LPIN1: variants seen among roughly 807,000 people sequenced by gnomAD.
LPIN1 encodes lipin 1.
LPIN1 carries 71 observed loss-of-function variants against 107.5 expected under a neutral mutation model. That is an observed-to-expected ratio of 0.66 (90% CI 0.55 to 0.80). LPIN1 has a LOEUF of 0.80. Among genes scored for constraint, LPIN1 ranks in the 30% least tolerant of loss-of-function variants. The pLI is 0.00. For synonymous variants in LPIN1, 445 were observed against 452.6 expected (o/e 0.98, Z 0.21); for missense variants, 1,043 against 1,160.6 (o/e 0.90, Z 1.47).
intron 9 of LPIN1, 141 bp from the exon 10 acceptor site, chr2:11,784,745 T>G (rs1241050765): frequency 1.2e-6 from 1 of 803,154 alleles, no homozygotes; most frequent in East Asian, 2.5e-5. Context: ...CTTGTCGTGG[T>G]GCTTTAATAA....
intron 1 of LPIN1, among the ~76,000 whole-genome samples, chr2:11,684,230 C>A (rs1002725801): frequency 6.6e-6 from 1 of 152,212 alleles, no homozygotes; most frequent in Admixed American, 6.5e-5. Context: ...TCTGCTAGAG[C>A]AAGGGCCAGC....
At chr2:11,766,066 G>A (rs928971233) in intron 2 of LPIN1, among the ~76,000 whole-genome samples, 11 of 152,196 alleles carry the variant, frequency 7.2e-5, no homozygotes, top group South Asian at 2.1e-4. Flanking sequence ...GAACACTCAC[G>A]TTCTTTGTGA....
At chr2:11,779,409 A>C in intron 6 of LPIN1, 110 bp from the exon 7 acceptor site, 2 of 1,181,588 alleles carry the variant, frequency 1.7e-6, no homozygotes, top group East Asian at 2.5e-5. Flanking sequence ...CTCAGAGCGA[A>C]CGACAGCTGG....
intron 3 of LPIN1, among the ~76,000 whole-genome samples, chr2:11,769,440 C>T (rs1671508292): frequency 1.3e-5 from 2 of 152,058 alleles, no homozygotes; most frequent in South Asian, 4.1e-4. Flanking sequence ...TTTTTTACTG[C>T]TGCCTTGTAT....
At chr2:11,735,148 C>G (rs1036297658) in intron 1 of LPIN1, among the ~76,000 whole-genome samples, 1 of 151,982 alleles carries the variant, frequency 6.6e-6, no homozygotes, top group Non-Finnish European at 1.5e-5. Context: ...AAAAATTAGC[C>G]GGGCATGGTG....
At chr2:11,703,091 A>G (rs1181483111) in intron 1 of LPIN1, among the ~76,000 whole-genome samples, 2 of 152,216 alleles carry the variant, frequency 1.3e-5, no homozygotes, top group East Asian at 3.8e-4. Context: ...CAAATGCTTC[A>G]TTCTACATTC....
Position 11,809,111 on chromosome 2 carries a change from G to A in LPIN1, c.2249+3955G>A, listed in dbSNP as rs546853396. 5.9e-5 allele frequency among the ~76,000 whole-genome samples: 9 copies of A among 151,362 alleles called. No homozygotes were observed. The South Asian group carries it at 1.5e-3, about 24-fold the overall frequency. ...GAACAAATGCAAATGGAAGATACAG[G>A]AACCCCTTTCAGATTCAGGTGCATT... On this transcript the variant is annotated intron_variant, in intron 17 of 20. Transcript: ENST00000674199.
At chr2:11,683,117 T>C (rs191178694) in intron 1 of LPIN1, 9 of 152,278 alleles carry the variant, frequency 5.9e-5, no homozygotes, top group African/African-American at 2.2e-4. Context: ...GAGACTCAGT[T>C]TGTGACGCTT....
chr2:11,815,764 A>G (rs1264858216), intron 18 of LPIN1, among the ~76,000 whole-genome samples: 2 of 152,026 alleles, frequency 1.3e-5, no homozygotes, highest in African/African-American at 2.4e-5. Context: ...GATTTCTGGG[A>G]ACACTGTTCA....
rs1299050672 is a variant in LPIN1, at chr2:11,776,095, A to G, written c.732A>G (p.Val244=). Residue 244 remains valine (V), a synonymous_variant, in exon 6 of 21, where the codon GTA becomes GTG. Transcript: ENST00000674199. ...ACGTGGTGGTATCCAGTAGCCTGGT[A>G]GATTGCAAAAGGACTGCCCCTCATC... The part of the protein sequence containing the change: ...REWSPTPSSL[V]DCKRTAPHLA... The G allele has an allele frequency of 2.6e-6, 4 of 1,545,822 alleles. No homozygotes were observed. The highest frequency in any genetic ancestry group is 1.7e-6 in the Non-Finnish European group (2 of 1,143,706).
intron 6 of LPIN1, among the ~76,000 whole-genome samples, chr2:11,778,143 G>T (rs1231121382): frequency 6.6e-6 from 1 of 152,206 alleles, no homozygotes; most frequent in Non-Finnish European, 1.5e-5. Flanking sequence ...GACGTGGGGG[G>T]GCCCACGTGC....
intron 1 of LPIN1, among the ~76,000 whole-genome samples, chr2:11,726,772 C>A (rs777919929): frequency 3.9e-5 from 6 of 152,210 alleles, no homozygotes; most frequent in Non-Finnish European, 8.8e-5. Context: ...GATCTACGAT[C>A]CTCAATGTAG....
At chr2:11,735,087 T>C (rs1405155056) in intron 1 of LPIN1, among the ~76,000 whole-genome samples, 1 of 151,892 alleles carries the variant, frequency 6.6e-6, no homozygotes, top group Non-Finnish European at 1.5e-5. Context: ...AGGTCAGGAG[T>C]TCGAGACCAA....
At chr2:11,727,877 C>T (rs1664814404) in intron 1 of LPIN1, among the ~76,000 whole-genome samples, 2 of 152,180 alleles carry the variant, frequency 1.3e-5, no homozygotes, top group Admixed American at 1.3e-4. Context: ...TTCAACCAAC[C>T]GCAGGTCGAC....
In LPIN1 at chr2:11,811,851, A is replaced by G. The variant is rs963449971; in HGVS notation, c.2250-3237A>G. ...AATACAAAAATTAGCTGGGCGTGGT[A>G]GTGCATGCCTGTAGTCCCAGCTACT... On this transcript the variant is annotated intron_variant, in intron 17 of 20. Coordinates refer to ENST00000674199, the MANE Select transcript of LPIN1 (RefSeq NM_001349206.2). Among the ~76,000 whole-genome samples, 7 of 152,128 alleles carry G rather than the reference A, an allele frequency of 4.6e-5. No individual in the cohort carries two copies. The East Asian group carries it at 9.7e-4, about 21-fold the overall frequency.
intron 1 of LPIN1, among the ~76,000 whole-genome samples, chr2:11,753,735 TTTGCCG>T (rs1391944816): frequency 1.3e-5 from 2 of 152,250 alleles, no homozygotes; most frequent in Non-Finnish European, 2.9e-5. Flanking sequence ...AGACTTCCTC[TTTGCCG>T]TAAGTGTAAA....
At chr2:11,779,444 G>A in intron 6 of LPIN1, 75 bp from the exon 7 acceptor site, 1 of 1,511,098 alleles carries the variant, frequency 6.6e-7, no homozygotes. Flanking sequence ...GGCTATTTGA[G>A]CCATGGAGCT....
rs11287978 is a variant in LPIN1, at chr2:11,826,513, CAAAAAAAAAAAA to C, written c.*1735_*1746del. 1 of 74,756 alleles carries C rather than the reference CAAAAAAAAAAAA, an allele frequency of 1.3e-5. No homozygotes were observed. The highest frequency in any genetic ancestry group is 4.9e-4 in the East Asian group (1 of 2,038). The allele number at this position is 74,756 out of a possible 1,614,324, so 4.6% of individuals were successfully genotyped here. On this transcript the variant is annotated 3_prime_UTR_variant, in exon 21 of 21. Coordinates refer to ENST00000674199, the MANE Select transcript of LPIN1 (RefSeq NM_001349206.2). ...TGGGTGACAGAGTAAGACTCCATGT[CAAAAAAAAAAAA>C]AAAAAAAAAAAAGTCCTGCCTTAAC...
At chr2:11,723,418 G>A (rs1278044664), upstream of LPIN1, 2 of 152,242 alleles carry the variant, frequency 1.3e-5, no homozygotes, top group Non-Finnish European at 1.5e-5. Context: ...AGCACTTTTG[G>A]AGGCTGAGAC....
Sources: allele counts gnomAD v4.1 joint callset (sites outside exome capture counted in the v4.1 genomes callset), GRCh38; gene constraint gnomAD v4.1.1; transcripts MANE v1.5; gene names NCBI Gene and HGNC (gene_info 2026-07-23, HGNC 2026-07-21).